FBXO5: variants seen among roughly 807,000 people sequenced by gnomAD.
FBXO5 encodes the protein F-box only protein 5.
In FBXO5, 8 loss-of-function variants were observed where a neutral mutation model predicts 43.3. The ratio of observed to expected loss-of-function variants is 0.18; its 90% CI spans 0.11 to 0.33. The LOEUF (loss-of-function observed/expected upper bound fraction) is 0.33. Among genes scored for constraint, FBXO5 ranks in the 10% least tolerant of loss-of-function variants. The pLI is 1.00. For synonymous variants in FBXO5, 204 were observed against 193.7 expected, an observed-to-expected ratio of 1.05 and a Z score of -0.44; for missense variants, 491 against 535.7, an observed-to-expected ratio of 0.92 and a Z score of 0.82.
intron 1 of FBXO5, among the ~76,000 whole-genome samples, chr6:152,977,481 GAC>G (rs1414889132): frequency 6.6e-6 from 1 of 152,150 alleles, no homozygotes; most frequent in African/African-American, 2.4e-5. Flanking sequence ...TACAGTGAAA[GAC>G]ACATAGTATG....
intron 1 of FBXO5, among the ~76,000 whole-genome samples, chr6:152,976,652 T>C (rs1778172952): frequency 6.6e-6 from 1 of 152,206 alleles, no homozygotes; most frequent in Non-Finnish European, 1.5e-5. Flanking sequence ...TACTGTTCAA[T>C]TGCTTTAAAT....
chr6:152,982,548 G>A (rs775869592), intron 1 of FBXO5, among the ~76,000 whole-genome samples: 1 of 152,094 alleles, frequency 6.6e-6, no homozygotes, highest in Non-Finnish European at 1.5e-5. Flanking sequence ...GGTCTTCCGA[G>A]GAGGAAAAAG....
rs17083348 is a variant in FBXO5, at chr6:152,975,344, A to T, written c.381T>A (p.Leu127=). 2,302 of 1,614,134 alleles carry T rather than the reference A, an allele frequency of 1.4e-3. 33 individuals are homozygous for T. In the African/African-American group the frequency reaches 0.027, roughly 19 times the overall value. ...GTGCTTCTATTTCATTTGTACTATT[A>T]AGTGTCTGTTGCACATGTTGATTTT... ...NKENQHVQQT[L]NSTNEIEALE... The change falls in exon 2 of 5, where the codon CTT becomes CTA. Residue 127 remains leucine, a synonymous_variant. Transcript: ENST00000229758.
chr6:152,979,982 T>C (rs1255143708), intron 1 of FBXO5, among the ~76,000 whole-genome samples: 1 of 152,186 alleles, frequency 6.6e-6, no homozygotes, highest in Non-Finnish European at 1.5e-5. Context: ...AAATATGAAA[T>C]TAATGTATTT....
chr6:152,976,594 C>T (rs1337194335), intron 1 of FBXO5, among the ~76,000 whole-genome samples: 2 of 152,176 alleles, frequency 1.3e-5, no homozygotes, highest in African/African-American at 2.4e-5. Flanking sequence ...ACACTCTAAT[C>T]AATTAACCAG....
intron 1 of FBXO5, among the ~76,000 whole-genome samples, chr6:152,982,629 C>T (rs576404444): frequency 2.2e-3 from 336 of 152,246 alleles, no homozygotes; most frequent in African/African-American, 7.8e-3. Flanking sequence ...GGCGGGACCC[C>T]GCGGCCCGCC....
At chr6:152,983,117 G>C (rs1778293328), upstream of FBXO5, 1 of 433,134 alleles carries the variant, frequency 2.3e-6, no homozygotes, top group Admixed American at 4.4e-5. Context: ...AATGAGACGC[G>C]TCGCTTGCAT....
chr6:152,980,196 T>A (rs910089328), intron 1 of FBXO5, among the ~76,000 whole-genome samples: 3 of 152,226 alleles, frequency 2.0e-5, no homozygotes, highest in African/African-American at 7.2e-5. Flanking sequence ...TATGGCTTCA[T>A]AACCTCTTGA....
At chr6:152,978,831 A>T (rs1367051988) in intron 1 of FBXO5, among the ~76,000 whole-genome samples, 1 of 151,904 alleles carries the variant, frequency 6.6e-6, no homozygotes, top group Non-Finnish European at 1.5e-5. Flanking sequence ...TACAACAATT[A>T]AAAAAAGAAA....
Position 152,975,548 on chromosome 6 carries a change from T to G in FBXO5, c.177A>C (p.Gly59=), listed in dbSNP as rs1778156555. 6.2e-7 allele frequency: 1 copy of G among 1,612,938 alleles called. No homozygotes were observed. Among genetic ancestry groups the G allele is most frequent in the Admixed American group, 1.7e-5 (1 of 59,842 alleles). The change falls in exon 2 of 5, where the codon GGA becomes GGC. Residue 59 remains glycine, a synonymous_variant. Transcript: ENST00000229758. The part of the protein sequence containing the change: ...CDFNCNHVHS[G]LKLVKPDDIG... ...TGTCATCAGGTTTTACCAGTTTAAG[T>G]CCGGAATGAACATGGTTACAATTAA...
At chr6:152,971,645 A>C (rs3799139) in intron 4 of FBXO5, among the ~76,000 whole-genome samples, 26,059 of 152,156 alleles carry the variant, frequency 0.17, 2,630 homozygotes, top group Non-Finnish European at 0.23. Flanking sequence ...TTATGGCATA[A>C]AATTTAAGAA....
intron 4 of FBXO5, 73 bp downstream of exon 4, chr6:152,972,199 C>A: frequency 9.1e-7 from 1 of 1,101,402 alleles, no homozygotes; most frequent in South Asian, 1.8e-5. Context: ...TACATTTTGA[C>A]CTTGAAAGTT....
At chr6:152,978,485 ATAAC>A (rs1235793763) in intron 1 of FBXO5, among the ~76,000 whole-genome samples, 1 of 151,464 alleles carries the variant, frequency 6.6e-6, no homozygotes, top group East Asian at 1.9e-4. Flanking sequence ...AAGGCCAGAC[ATAAC>A]TGTTACTGCT....
intron 4 of FBXO5, 85 bp downstream of exon 4, chr6:152,972,187 G>C: frequency 1.1e-6 from 1 of 945,704 alleles, no homozygotes; most frequent in Non-Finnish European, 1.6e-6. Flanking sequence ...CTAGAGCAAA[G>C]TTACATTTTG....
intron 1 of FBXO5, among the ~76,000 whole-genome samples, chr6:152,980,333 C>T (rs954076932): frequency 6.6e-6 from 1 of 152,166 alleles, no homozygotes; most frequent in African/African-American, 2.4e-5. Flanking sequence ...AGCTGACATT[C>T]TGAGATCTGA....
At position 152,972,301 on chromosome 6, in the gene FBXO5, T is replaced by C. The variant is rs200130410; in HGVS notation, c.1063A>G (p.Thr355Ala). 3 of 1,612,238 alleles carry C rather than the reference T, an allele frequency of 1.9e-6. No homozygotes were observed. The highest frequency in any genetic ancestry group is 8.5e-7 in the Non-Finnish European group (1 of 1,178,842). ...GAGAATTCATTGTGTCGACTATAAG[T>C]AGAACCTTTCTGATCACCTTGATTG... is the stretch of plus-strand genomic sequence containing the variant. Reference protein sequence around the residue: ...LSNQGDQKGSTYSRHNEFSEV... With the variant: ...LSNQGDQKGSAYSRHNEFSEV... Residue 355 changes from threonine (T) to alanine (A), a missense_variant, in exon 4 of 5, where the codon ACT becomes GCT. Thr to Ala is a moderately conservative substitution (Grantham distance 58). Coordinates refer to ENST00000229758, the MANE Select transcript of FBXO5 (RefSeq NM_012177.5).
In FBXO5 at chr6:152,982,969, C is replaced by T; in HGVS notation, c.-10G>A. ...AGGGGCGCCGGCTCATGCCAGCCGA[C>T]GTGGAGTCTGCCTCAGGTGGAGGAA... On this transcript the variant is annotated 5_prime_UTR_variant, in exon 1 of 5. Transcript: ENST00000229758. 7.2e-7 allele frequency: 1 copy of T among 1,397,252 alleles called. No individual in the cohort carries two copies. Among genetic ancestry groups the T allele is most frequent in the Non-Finnish European group, 9.2e-7 (1 of 1,082,866 alleles). 86.6% of individuals were successfully genotyped at this position (1,397,252 alleles called of 1,614,324 possible). A position where few individuals can be genotyped will look rare whatever the true frequency, so the allele number is the denominator to read the frequency against.
At chr6:152,982,128 AGAAAAAATTGG>A (rs1778269388) in intron 1 of FBXO5, among the ~76,000 whole-genome samples, 1 of 152,170 alleles carries the variant, frequency 6.6e-6, no homozygotes, top group African/African-American at 2.4e-5. Context: ...GGGCAAAGGG[AGAAAAAATTGG>A]GAAAAAGTAA....
upstream of FBXO5, chr6:152,983,097 C>A (rs570148661): frequency 2.1e-5 from 10 of 486,972 alleles, no homozygotes; most frequent in Middle Eastern, 1.0e-3. Flanking sequence ...TGCCTAAATC[C>A]GCGCGGTCCA....
Sources: gnomAD v4.1 joint callset for allele counts (sites outside exome capture counted in the v4.1 genomes callset) on GRCh38, gnomAD v4.1.1 for gene constraint, MANE v1.5 for transcripts, NCBI Gene and HGNC (gene_info 2026-07-23, HGNC 2026-07-21) for gene names.